Variants in PIEZO2 observed in about 807,000 individuals in gnomAD.
PIEZO2 encodes piezo type mechanosensitive ion channel component 2.
PIEZO2 carries 172 observed loss-of-function variants against 337.3 expected under a neutral mutation model. The observed-to-expected ratio is 0.51, with a 90% CI of 0.45 to 0.58. PIEZO2 has a LOEUF of 0.58. Among genes scored for constraint, PIEZO2 ranks in the 20% least tolerant of loss-of-function variants. The probability of loss-of-function intolerance (pLI) is 0.00; values close to 1 mark genes in which losing one functional copy is unlikely to be tolerated. For missense variants in PIEZO2, 3,028 were observed against 3,391.3 expected (o/e 0.89, Z 2.66); for synonymous variants, 1,251 against 1,228.5 (o/e 1.02, Z -0.38).
intron 4 of PIEZO2, among the ~76,000 whole-genome samples, chr18:10,880,623 G>A (rs1598621745): frequency 6.6e-6 from 1 of 151,908 alleles, no homozygotes; most frequent in African/African-American, 2.4e-5. Context: ...AATGTCAAAT[G>A]AGCATTGTTT....
At chr18:10,807,049 C>T in intron 8 of PIEZO2, 63 bp downstream of exon 8, 1 of 1,436,596 alleles carries the variant, frequency 7.0e-7, no homozygotes, top group Non-Finnish European at 9.4e-7. Flanking sequence ...AGGAGTGAAT[C>T]ATTTCACGTG....
chr18:10,857,715 C>T (rs555229422), intron 5 of PIEZO2, among the ~76,000 whole-genome samples: 1 of 152,146 alleles, frequency 6.6e-6, no homozygotes, highest in Non-Finnish European at 1.5e-5. Flanking sequence ...TGAGTGGTCC[C>T]GGGCTTCTCT....
At chr18:10,936,323 C>G (rs1167955062) in intron 3 of PIEZO2, among the ~76,000 whole-genome samples, 1 of 152,088 alleles carries the variant, frequency 6.6e-6, no homozygotes, top group Non-Finnish European at 1.5e-5. Context: ...AGCTCATAAA[C>G]CTTCATGGGA....
At chr18:10,966,601 A>AT (rs1468010995) in intron 3 of PIEZO2, among the ~76,000 whole-genome samples, 1 of 151,988 alleles carries the variant, frequency 6.6e-6, no homozygotes, top group Non-Finnish European at 1.5e-5. Flanking sequence ...AGTAGCTGTT[A>AT]TTTTTTTAAT....
In PIEZO2 at chr18:11,091,171, G is replaced by A. The variant is rs541220905; in HGVS notation, c.65-24949C>T. 6.8e-4 allele frequency among the ~76,000 whole-genome samples: 103 copies of A among 152,062 alleles called. 1 individual carries two copies. Among genetic ancestry groups the A allele is most frequent in the African/African-American group, 2.3e-3 (96 of 41,494 alleles). ...GAGGCCAAGGTGGGCGGATCACGAGGTCAGGAGTTGAAGAACAGCCTGGCC... is the reference window on the plus strand; with the variant it reads ...GAGGCCAAGGTGGGCGGATCACGAGATCAGGAGTTGAAGAACAGCCTGGCC... On this transcript the variant is annotated intron_variant, in intron 1 of 55. Transcript: ENST00000674853.
intron 5 of PIEZO2, among the ~76,000 whole-genome samples, chr18:10,866,678 C>T (rs2042016479): frequency 6.6e-6 from 1 of 152,150 alleles, no homozygotes; most frequent in South Asian, 2.1e-4. Context: ...AGTGGGCATC[C>T]ATGCTCTCAC....
intron 4 of PIEZO2, among the ~76,000 whole-genome samples, chr18:10,909,762 C>T (rs1226570813): frequency 3.3e-5 from 5 of 152,130 alleles, no homozygotes; most frequent in East Asian, 3.8e-4. Context: ...AAGGGAAAGA[C>T]GCTTTAGAAA....
At chr18:10,717,943 A>G (rs1025648085) in intron 37 of PIEZO2, among the ~76,000 whole-genome samples, 45 of 152,286 alleles carry the variant, frequency 3.0e-4, no homozygotes, top group African/African-American at 9.9e-4. Flanking sequence ...AGCCTCTTTC[A>G]TAGGTGCTTG....
At chr18:10,995,959 T>G (rs554829560) in intron 2 of PIEZO2, among the ~76,000 whole-genome samples, 1 of 152,290 alleles carries the variant, frequency 6.6e-6, no homozygotes, top group East Asian at 1.9e-4. Flanking sequence ...AGATCTAAAA[T>G]GTCATAAAAG....
intron 49 of PIEZO2, among the ~76,000 whole-genome samples, chr18:10,683,225 T>C (rs1419049511): frequency 6.6e-6 from 1 of 152,254 alleles, no homozygotes; most frequent in African/African-American, 2.4e-5. Context: ...ATCTAACATT[T>C]ACCCATAGGC....
rs949192804 is a variant in PIEZO2 at position 11,038,160 on chromosome 18, T to C, written c.160+27967A>G. On this transcript the variant is annotated intron_variant, in intron 2 of 55. Transcript: ENST00000674853. The surrounding 1 kb of genome is among the most constrained non-coding windows in gnomAD (Gnocchi z 4.1). ...AACTCTAGTAAAATTACAGTCTTTA[T>C]AACCTTTCTCATTTTCTCTAGGTCC... is the stretch of plus-strand genomic sequence containing the variant. 1.3e-5 allele frequency among the ~76,000 whole-genome samples: 2 copies of C among 152,164 alleles called. No homozygotes were observed. Among genetic ancestry groups the C allele is most frequent in the East Asian group, 3.9e-4 (2 of 5,182 alleles).
chr18:10,733,813 T>C (rs1449263150), intron 35 of PIEZO2, among the ~76,000 whole-genome samples: 1 of 152,086 alleles, frequency 6.6e-6, no homozygotes, highest in Non-Finnish European at 1.5e-5. Flanking sequence ...CTCTGGAAAA[T>C]CAGACACAAG....
intron 5 of PIEZO2, among the ~76,000 whole-genome samples, chr18:10,860,486 AAGAAATCCACCCACC>A (rs963691783): frequency 1.3e-5 from 2 of 152,068 alleles, no homozygotes; most frequent in African/African-American, 4.8e-5. Flanking sequence ...TCTCCCCACA[AAGAAATCCACCCACC>A]AGAGCTATCG....
At chr18:10,708,630 G>A (rs898832933) in intron 39 of PIEZO2, among the ~76,000 whole-genome samples, 191 bp from the exon 40 acceptor site, 1 of 152,132 alleles carries the variant, frequency 6.6e-6, no homozygotes, top group Non-Finnish European at 1.5e-5. Context: ...TGAAACACAC[G>A]AGTACTGGAT....
rs1251944843 is a variant in PIEZO2, at chr18:10,767,191, C to CTA, written c.2946+2955_2946+2956dup. 1.3e-5 allele frequency among the ~76,000 whole-genome samples: 2 copies of CTA among 152,018 alleles called. No homozygotes were observed. Among genetic ancestry groups the CTA allele is most frequent in the Non-Finnish European group, 2.9e-5 (2 of 68,010 alleles). ...AAGGAGGAGAAAATGTTTATGTATA[C>CTA]TATATATATATTTAAATCTAGATTA... On this transcript the variant is annotated intron_variant, in intron 21 of 55. Coordinates refer to ENST00000674853, the MANE Select transcript of PIEZO2 (RefSeq NM_001378183.1). This position sits in a 1 kb window ranked among gnomAD's most constrained non-coding sequence, Gnocchi z 4.2.
intron 17 of PIEZO2, among the ~76,000 whole-genome samples, chr18:10,782,335 A>G (rs1469871388): frequency 6.6e-5 from 2 of 30,358 alleles, no homozygotes; most frequent in Non-Finnish European, 1.0e-4. Context: ...AATTATATAT[A>G]AATAATTATA....
intron 1 of PIEZO2, among the ~76,000 whole-genome samples, chr18:11,093,126 T>C (rs2039148095): frequency 6.6e-6 from 1 of 152,210 alleles, no homozygotes; most frequent in Admixed American, 6.5e-5. Flanking sequence ...ATGCTGTAGA[T>C]TGTTAGGTAG....
intron 3 of PIEZO2, among the ~76,000 whole-genome samples, chr18:10,930,851 T>G (rs2032037945): frequency 6.6e-6 from 1 of 152,258 alleles, no homozygotes; most frequent in Non-Finnish European, 1.5e-5. Context: ...AGGTCTTTGA[T>G]GTCTCTGTAG....
At position 11,092,990 on chromosome 18, in the gene PIEZO2, A is replaced by T. The variant is rs1598948276; in HGVS notation, c.65-26768T>A. ...CAAAGCCTAACGAGCCCAAGAGCTT[A>T]TAATATCGAGTGTGTTTGAGGTCAG... On this transcript the variant is annotated intron_variant, in intron 1 of 55. Transcript: ENST00000674853. This position sits in a 1 kb window ranked among gnomAD's most constrained non-coding sequence, Gnocchi z 4.5. 6.6e-6 allele frequency among the ~76,000 whole-genome samples: 1 copy of T among 152,198 alleles called. No individual in the cohort carries two copies. The highest frequency in any genetic ancestry group is 1.5e-5 in the Non-Finnish European group (1 of 68,032).
Sources: allele counts gnomAD v4.1 joint callset (sites outside exome capture counted in the v4.1 genomes callset), GRCh38; gene constraint gnomAD v4.1.1; non-coding constraint Gnocchi (gnomAD v3.1); transcripts MANE v1.5; gene names NCBI Gene and HGNC (gene_info 2026-07-23, HGNC 2026-07-21).